The following SHTN1 variants were observed in gnomAD, a reference collection of about 807,000 sequenced individuals.
The protein encoded by SHTN1 is shootin 1.
Under a neutral mutation model 83.1 loss-of-function variants are expected in SHTN1, and 42 were observed. The observed-to-expected ratio is 0.51, with a 90% CI of 0.39 to 0.65. The LOEUF (loss-of-function observed/expected upper bound fraction) is 0.65. Ranked by LOEUF, SHTN1 falls within the 30% of genes least tolerant of loss-of-function variation. The probability of loss-of-function intolerance (pLI) is 0.00; values close to 1 mark genes in which losing one functional copy is unlikely to be tolerated. For missense variants in SHTN1, 622 were observed against 737.8 expected (o/e 0.84, Z 1.82); for synonymous variants, 224 against 247.7 (o/e 0.90, Z 0.90).
intron 1 of SHTN1, among the ~76,000 whole-genome samples, chr10:117,095,397 C>T (rs753301169): frequency 1.3e-5 from 2 of 152,196 alleles, no homozygotes; most frequent in Non-Finnish European, 2.9e-5. Context: ...TGTCTGAAGA[C>T]TCACAATACG....
intron 2 of SHTN1, among the ~76,000 whole-genome samples, chr10:116,969,696 G>A (rs965446561): frequency 6.6e-6 from 1 of 152,144 alleles, no homozygotes; most frequent in East Asian, 1.9e-4. Flanking sequence ...AGAGCATAAG[G>A]ACCTTTTAGG....
At chr10:117,100,877 T>C (rs1283541608) in intron 1 of SHTN1, among the ~76,000 whole-genome samples, 1 of 152,074 alleles carries the variant, frequency 6.6e-6, no homozygotes. Flanking sequence ...GTTTGGGAAA[T>C]GGCCCGTGTA....
At chr10:116,898,405 A>C (rs956302134) in intron 16 of SHTN1, among the ~76,000 whole-genome samples, 3 of 152,072 alleles carry the variant, frequency 2.0e-5, no homozygotes. Context: ...AGTGAATAAA[A>C]TATCTTACTA....
chr10:117,005,059 C>T lies in SHTN1; in HGVS notation c.21G>A (p.Glu7=), dbSNP rs1449756659. 1 of 1,598,898 alleles carries T rather than the reference C, an allele frequency of 6.3e-7. No homozygotes were observed. Among genetic ancestry groups the T allele is most frequent in the African/African-American group, 1.3e-5 (1 of 74,900 alleles). Residue 7 remains glutamate (E), a synonymous_variant, in exon 1 of 17, where the codon GAG becomes GAA. Coordinates refer to ENST00000355371, the MANE Select transcript of SHTN1 (RefSeq NM_001127211.3). The part of the protein sequence containing the change: MNSSDE[E]KQLQLITSLK... ...GACTGGTAATGAGCTGCAGCTGCTT[C>T]TCTTCGTCCGAGCTGTTCATTTTGG...
intron 1 of SHTN1, among the ~76,000 whole-genome samples, chr10:117,111,979 C>G (rs1379724033): frequency 6.6e-6 from 1 of 151,846 alleles, no homozygotes; most frequent in Admixed American, 6.6e-5. Context: ...TTTGTTTTTT[C>G]TTTTGAGACA....
upstream of SHTN1, among the ~76,000 whole-genome samples, chr10:117,009,116 A>C (rs927163790): frequency 6.6e-6 from 1 of 151,962 alleles, no homozygotes; most frequent in African/African-American, 2.4e-5. Flanking sequence ...ATTCTGTCTC[A>C]AAAAAAAGAA....
At chr10:117,056,275 T>C (rs1852825668) in intron 1 of SHTN1, among the ~76,000 whole-genome samples, 1 of 152,142 alleles carries the variant, frequency 6.6e-6, no homozygotes, top group South Asian at 2.1e-4. Flanking sequence ...AAATTACAGA[T>C]CAATATTTTT....
chr10:117,104,083 G>A (rs193099794), intron 1 of SHTN1, among the ~76,000 whole-genome samples: 3 of 152,136 alleles, frequency 2.0e-5, no homozygotes, highest in Admixed American at 6.5e-5. Flanking sequence ...TAGTCAGAAC[G>A]AGGAGTCAAA....
chr10:117,006,621 A>T (rs986833413), upstream of SHTN1, among the ~76,000 whole-genome samples: 3 of 151,842 alleles, frequency 2.0e-5, no homozygotes, highest in Admixed American at 2.0e-4. Context: ...GTGGTTGCTG[A>T]CTATAAGCTG....
intron 1 of SHTN1, among the ~76,000 whole-genome samples, chr10:117,091,558 G>A (rs973730141): frequency 3.9e-5 from 6 of 152,102 alleles, no homozygotes; most frequent in Non-Finnish European, 8.8e-5. Flanking sequence ...TTACCCTGAG[G>A]GAACAAAAAC....
chr10:117,048,211 G>T (rs1374807591), intron 2 of SHTN1, among the ~76,000 whole-genome samples: 2 of 152,132 alleles, frequency 1.3e-5, no homozygotes, highest in Non-Finnish European at 2.9e-5. Flanking sequence ...GTGGCTCTGT[G>T]TGCTGAGGTA....
intron 13 of SHTN1, among the ~76,000 whole-genome samples, chr10:116,913,711 T>C (rs1372714102): frequency 6.6e-6 from 1 of 152,226 alleles, no homozygotes; most frequent in Non-Finnish European, 1.5e-5. Context: ...GGATTCTTTT[T>C]CAAAGGTGGC....
chr10:117,077,865 A>G (rs776005773), intron 1 of SHTN1, among the ~76,000 whole-genome samples: 1 of 152,172 alleles, frequency 6.6e-6, no homozygotes, highest in Non-Finnish European at 1.5e-5. Flanking sequence ...CTTTGGATGA[A>G]TCATCAACTG....
chr10:116,979,588 C>G (rs1021440075), intron 1 of SHTN1, among the ~76,000 whole-genome samples: 1 of 152,210 alleles, frequency 6.6e-6, no homozygotes, highest in African/African-American at 2.4e-5. Flanking sequence ...CCCGGCTGGG[C>G]TCCTGCTTTT....
chr10:117,084,846 CTGACCCCTTGCGCTTCCCGAGTGAGGCAA>C (rs541318562), intron 1 of SHTN1, among the ~76,000 whole-genome samples: 309 of 152,342 alleles, frequency 2.0e-3, no homozygotes, highest in Non-Finnish European at 3.2e-3. Flanking sequence ...AGGGAACTCC[CTGACCCCTTGCGCTTCCCGAGTGAGGCAA>C]TGCCTCGCCC....
At chr10:117,121,487 G>A (rs1381976099) in intron 1 of SHTN1, among the ~76,000 whole-genome samples, 3 of 152,012 alleles carry the variant, frequency 2.0e-5, no homozygotes, top group Non-Finnish European at 4.4e-5. Flanking sequence ...GCTGAGGCAG[G>A]AGAATTGCTT....
chr10:117,024,295 A>G (rs1364906707), intron 2 of SHTN1, among the ~76,000 whole-genome samples: 1 of 151,462 alleles, frequency 6.6e-6, no homozygotes, highest in African/African-American at 2.4e-5. Context: ...TTAGTGTTCA[A>G]TATCTTGATA....
At chr10:116,972,236 T>C (rs1850643092) in intron 2 of SHTN1, among the ~76,000 whole-genome samples, 1 of 152,172 alleles carries the variant, frequency 6.6e-6, no homozygotes. Context: ...CTGTCTCCCA[T>C]CCCCAGCTGT....
chr10:117,045,039 C>T (rs1052350950), intron 2 of SHTN1, among the ~76,000 whole-genome samples: 3 of 152,128 alleles, frequency 2.0e-5, no homozygotes, highest in African/African-American at 7.2e-5. Flanking sequence ...TGACAACTTA[C>T]AAAACTTACA....
Sources: gnomAD v4.1 joint callset for allele counts (sites outside exome capture counted in the v4.1 genomes callset) on GRCh38, gnomAD v4.1.1 for gene constraint, MANE v1.5 for transcripts, NCBI Gene and HGNC (gene_info 2026-07-23, HGNC 2026-07-21) for gene names.